The following C6 variants were observed in gnomAD, a reference collection of about 807,000 sequenced individuals.
C6 encodes the protein complement component C6.
A neutral mutation model predicts 112.9 loss-of-function variants in C6; 101 were observed. The ratio of observed to expected loss-of-function variants is 0.89; its 90% confidence interval spans 0.76 to 1.06. C6 has a LOEUF of 1.06. C6 is among the 50% of genes least tolerant of loss of function. C6 has a pLI of 0.00. For missense variants in C6, 1,202 were observed against 1,104.6 expected (o/e 1.09, Z -1.25); for synonymous variants, 431 against 384.1 (o/e 1.12, Z -1.43).
chr5:41,219,878 T>C (rs1204201342), intron 1 of C6, among the ~76,000 whole-genome samples: 1 of 152,188 alleles, frequency 6.6e-6, no homozygotes, highest in Non-Finnish European at 1.5e-5. Flanking sequence ...ACAATCCCAT[T>C]AACATCACAT....
At chr5:41,236,295 T>C (rs1470427595) in intron 1 of C6, among the ~76,000 whole-genome samples, 2 of 132,688 alleles carry the variant, frequency 1.5e-5, no homozygotes, top group Non-Finnish European at 3.2e-5. Context: ...TTTCTACATA[T>C]GGCTAGCCAG....
chr5:41,229,834 C>T (rs1366002896), intron 1 of C6, among the ~76,000 whole-genome samples: 1 of 152,014 alleles, frequency 6.6e-6, no homozygotes, highest in Admixed American at 6.6e-5. Context: ...TTAATATTTG[C>T]TTGATATATT....
intron 1 of C6, among the ~76,000 whole-genome samples, chr5:41,230,118 A>G (rs748639601): frequency 6.6e-6 from 1 of 152,156 alleles, no homozygotes; most frequent in Non-Finnish European, 1.5e-5. Flanking sequence ...TATCTTTGTA[A>G]GCTGAGAATG....
chr5:41,184,467 C>A (rs961654204), intron 6 of C6, among the ~76,000 whole-genome samples: 4 of 116,522 alleles, frequency 3.4e-5, no homozygotes, highest in African/African-American at 6.5e-5. Flanking sequence ...CCTAAATTTT[C>A]TTTTCTTTTC....
chr5:41,151,374 C>G (rs562340485), intron 15 of C6, among the ~76,000 whole-genome samples: 1 of 152,064 alleles, frequency 6.6e-6, no homozygotes, highest in Non-Finnish European at 1.5e-5. Flanking sequence ...TATGATTCTT[C>G]GGTTTCTGAT....
chr5:41,233,009 G>C (rs1580234389), intron 1 of C6, among the ~76,000 whole-genome samples: 2 of 151,756 alleles, frequency 1.3e-5, no homozygotes, highest in African/African-American at 2.4e-5. Context: ...TTTCTGCTTT[G>C]TATGCATATA....
At chr5:41,202,589 A>T (rs945038854) in intron 2 of C6, among the ~76,000 whole-genome samples, 1 of 152,212 alleles carries the variant, frequency 6.6e-6, no homozygotes, top group Admixed American at 6.5e-5. Context: ...AGAGTTAAAG[A>T]AACTGTGGGG....
chr5:41,242,439 T>C (rs1740777597), intron 1 of C6, among the ~76,000 whole-genome samples: 1 of 152,184 alleles, frequency 6.6e-6, no homozygotes, highest in East Asian at 1.9e-4. Flanking sequence ...GTGAGTCAAT[T>C]AAACCTCTTT....
Position 41,160,288 on chromosome 5 carries a change from T to A in C6, c.1538A>T (p.Glu513Val), listed in dbSNP as rs766219748. Residue 513 changes from glutamate (E) to valine (V), a missense_variant, in exon 11 of 18, where the codon GAG (glutamate) becomes GTG (valine). Glu to Val is a moderately radical substitution (Grantham distance 121). Coordinates refer to ENST00000337836, the MANE Select transcript of C6 (RefSeq NM_000065.5). ...KRNNLRKALQ[E>V]YAAKFDPCQC... ...GCAAGGATCGAACTTGGCTGCATAC[T>A]CTTGCAAAGCTTTCCTGAGGTTGTT... The A allele has an allele frequency of 6.2e-7, 1 of 1,613,856 alleles. No individual in the cohort carries two copies. The highest frequency in any genetic ancestry group is 1.1e-5 in the South Asian group (1 of 91,080).
At chr5:41,173,122 AT>A (rs1748566165) in intron 8 of C6, among the ~76,000 whole-genome samples, 3 of 152,078 alleles carry the variant, frequency 2.0e-5, no homozygotes, top group Admixed American at 6.6e-5. Context: ...CACCCCATTC[AT>A]GTATGGGAAT....
chr5:41,161,146 G>A (rs1283136451), intron 10 of C6, among the ~76,000 whole-genome samples: 1 of 152,102 alleles, frequency 6.6e-6, no homozygotes, highest in Non-Finnish European at 1.5e-5. Context: ...TTAAAAATAT[G>A]GATATGTTTG....
intron 1 of C6, among the ~76,000 whole-genome samples, chr5:41,224,118 G>A (rs1739339809): frequency 6.6e-6 from 1 of 152,060 alleles, no homozygotes; most frequent in Non-Finnish European, 1.5e-5. Flanking sequence ...TATACATTGT[G>A]CAATGGCTGA....
chr5:41,238,366 G>C (rs1349370405), intron 1 of C6, among the ~76,000 whole-genome samples: 1 of 151,524 alleles, frequency 6.6e-6, no homozygotes, highest in East Asian at 1.9e-4. Flanking sequence ...GCATGGTACT[G>C]GTACCAAAAC....
intron 1 of C6, 187 bp from the exon 2 acceptor site, chr5:41,203,437 G>A: frequency 1.8e-6 from 1 of 568,300 alleles, no homozygotes; most frequent in African/African-American, 1.9e-5. Context: ...AAGATTTTTA[G>A]GGTGGAGATT....
intron 9 of C6, among the ~76,000 whole-genome samples, chr5:41,170,819 C>A (rs1451281783): frequency 6.6e-6 from 1 of 151,980 alleles, no homozygotes; most frequent in African/African-American, 2.4e-5. Context: ...AGTAGTCAAG[C>A]AAAATAAGGA....
At chr5:41,209,210 G>C (rs1751692839) in intron 1 of C6, among the ~76,000 whole-genome samples, 1 of 152,134 alleles carries the variant, frequency 6.6e-6, no homozygotes, top group Admixed American at 6.5e-5. Flanking sequence ...AGGTATTGAT[G>C]GGATGTATCT....
At chr5:41,196,046 C>CA in intron 4 of C6, 113 bp from the exon 5 acceptor site, 4 of 1,268,968 alleles carry the variant, frequency 3.2e-6, no homozygotes, top group Non-Finnish European at 4.5e-6. Context: ...GGCAAGTCTT[C>CA]ACTGTTTTTG....
intron 1 of C6, among the ~76,000 whole-genome samples, chr5:41,234,627 T>G (rs114347069): frequency 6.6e-6 from 1 of 152,246 alleles, no homozygotes; most frequent in African/African-American, 2.4e-5. Context: ...TAATGACTAA[T>G]GAACCAATTG....
At position 41,225,410 on chromosome 5, in the gene C6, C is replaced by T. The variant is rs185244977; in HGVS notation, c.-20-22160G>A. 1.2e-3 allele frequency among the ~76,000 whole-genome samples: 188 copies of T among 152,152 alleles called. 4 individuals are homozygous for T. The East Asian group carries it at 0.022, about 18-fold the overall frequency. On this transcript the variant is annotated intron_variant, in intron 1 of 17. Transcript: ENST00000263413. ...AAGGAAATGAACTCATCATTTTTTA[C>T]GGCTGCATAGTATTCCATGGTGTAT...
Sources: gnomAD v4.1 joint callset for allele counts (sites outside exome capture counted in the v4.1 genomes callset) on GRCh38, gnomAD v4.1.1 for gene constraint, MANE v1.5 for transcripts, NCBI Gene and HGNC (gene_info 2026-07-23, HGNC 2026-07-21) for gene names.